Variants in FBXL17 observed in about 807,000 individuals in gnomAD.
FBXL17 encodes F-box and leucine rich repeat protein 17, also known as F-box/LRR-repeat protein 17.
A neutral mutation model predicts 66.2 loss-of-function variants in FBXL17; 22 were observed. That is an observed-to-expected ratio of 0.33 (90% CI 0.24 to 0.47). The LOEUF is 0.47. FBXL17 is among the 20% of genes least tolerant of loss of function. The pLI, the probability that FBXL17 is intolerant of heterozygous loss-of-function variation, is 1.00. For synonymous variants in FBXL17, 474 were observed against 400.5 expected (o/e 1.18, Z -2.19); for missense variants, 878 against 948.2 (o/e 0.93, Z 0.97).
intron 4 of FBXL17, among the ~76,000 whole-genome samples, chr5:108,306,679 G>A (rs1289152128): frequency 1.3e-5 from 2 of 151,956 alleles, no homozygotes; most frequent in Admixed American, 6.6e-5. Context: ...GGTTTGTCAA[G>A]TATTCTATCA....
At chr5:108,334,169 A>C (rs1366031639) in intron 4 of FBXL17, among the ~76,000 whole-genome samples, 1 of 152,172 alleles carries the variant, frequency 6.6e-6, no homozygotes. Flanking sequence ...ATAAATAAAC[A>C]CCTAAATTGC....
intron 7 of FBXL17, among the ~76,000 whole-genome samples, chr5:107,886,130 A>G (rs949781246): frequency 6.6e-6 from 1 of 152,212 alleles, no homozygotes; most frequent in Non-Finnish European, 1.5e-5. Flanking sequence ...AAGAACTGTA[A>G]GCAAACAAAT....
At chr5:107,879,246 G>C in intron 8 of FBXL17, 2 of 985,442 alleles carry the variant, frequency 2.0e-6, no homozygotes. Flanking sequence ...ATGTATGAAT[G>C]TGTACATTTT....
At chr5:108,375,114 G>A (rs1335790408) in intron 1 of FBXL17, among the ~76,000 whole-genome samples, 3 of 152,152 alleles carry the variant, frequency 2.0e-5, no homozygotes, top group East Asian at 1.9e-4. Flanking sequence ...AGCACTTTGG[G>A]AAGCCAAAGT....
intron 6 of FBXL17, among the ~76,000 whole-genome samples, chr5:108,183,116 C>T (rs935486796): frequency 6.9e-6 from 1 of 144,812 alleles, no homozygotes; most frequent in Non-Finnish European, 1.5e-5. Flanking sequence ...TCTTGGCTCA[C>T]TGCAACCTCT....
Position 107,881,018 on chromosome 5 carries a change from C to T in FBXL17, c.1965+19G>A. ...ATACTGATATGTAGAAAGCAAACAA[C>T]TTGATAGTCAACTCTTACTTTATCA... On this transcript the variant is annotated intron_variant, in intron 8 of 8. Coordinates refer to ENST00000542267, the MANE Select transcript of FBXL17 (RefSeq NM_001163315.3). The T allele has an allele frequency of 6.2e-7, 1 of 1,614,080 alleles. No individual in the cohort carries two copies. The highest frequency in any genetic ancestry group is 8.5e-7 in the Non-Finnish European group (1 of 1,179,986).
intron 6 of FBXL17, among the ~76,000 whole-genome samples, chr5:108,104,900 G>C (rs137950748): frequency 0.011 from 1,655 of 152,202 alleles, 40 homozygotes; most frequent in African/African-American, 0.038. Context: ...GGAGTGCAGT[G>C]GTGCCATCTC....
intron 6 of FBXL17, among the ~76,000 whole-genome samples, chr5:108,179,256 AAAG>A (rs1344511391): frequency 6.6e-6 from 1 of 152,190 alleles, no homozygotes; most frequent in Non-Finnish European, 1.5e-5. Flanking sequence ...CGGAAATTTG[AAAG>A]AAGAAACAGA....
intron 8 of FBXL17, among the ~76,000 whole-genome samples, chr5:107,873,455 G>C (rs1748519059): frequency 6.6e-6 from 1 of 152,168 alleles, no homozygotes; most frequent in South Asian, 2.1e-4. Flanking sequence ...GGAGGCAGGA[G>C]AGGCTTAGTT....
chr5:108,134,780 G>A (rs1223577355), intron 6 of FBXL17, among the ~76,000 whole-genome samples: 1 of 152,182 alleles, frequency 6.6e-6, no homozygotes, highest in Non-Finnish European at 1.5e-5. Flanking sequence ...CCAGGCTCCT[G>A]AATTCCCCAC....
intron 4 of FBXL17, 32 bp from the exon 5 acceptor site, chr5:108,224,260 G>A: frequency 7.6e-7 from 1 of 1,322,100 alleles, no homozygotes; most frequent in Non-Finnish European, 1.1e-6. Context: ...AATTATTCAA[G>A]GTAATAGTCC....
At chr5:108,082,730 T>G (rs999457363) in intron 6 of FBXL17, among the ~76,000 whole-genome samples, 3 of 152,186 alleles carry the variant, frequency 2.0e-5, no homozygotes, top group Non-Finnish European at 4.4e-5. Context: ...AATCAAAAAA[T>G]TATAACATTA....
At chr5:108,116,271 T>A (rs1215683657) in intron 6 of FBXL17, among the ~76,000 whole-genome samples, 1 of 151,994 alleles carries the variant, frequency 6.6e-6, no homozygotes, top group African/African-American at 2.4e-5. Flanking sequence ...GAGAATCAAG[T>A]TAGGTAGTTA....
chr5:107,965,333 CAA>C (rs1202226583), intron 7 of FBXL17, among the ~76,000 whole-genome samples: 4 of 152,110 alleles, frequency 2.6e-5, no homozygotes, highest in African/African-American at 7.2e-5. Context: ...AAAATAAAAA[CAA>C]AAGATGAAAA....
At chr5:108,328,600 T>C (rs1045937381) in intron 4 of FBXL17, among the ~76,000 whole-genome samples, 9 of 152,072 alleles carry the variant, frequency 5.9e-5, no homozygotes, top group African/African-American at 2.2e-4. Context: ...CATGTTGGTA[T>C]GTGTATTAAA....
intron 7 of FBXL17, among the ~76,000 whole-genome samples, chr5:107,952,735 T>C (rs944141704): frequency 1.3e-5 from 2 of 152,210 alleles, no homozygotes; most frequent in African/African-American, 4.8e-5. Flanking sequence ...ACGGCATAAA[T>C]GGCATGTTGA....
At chr5:108,376,140 G>C (rs986061111) in intron 1 of FBXL17, among the ~76,000 whole-genome samples, 4 of 152,176 alleles carry the variant, frequency 2.6e-5, no homozygotes, top group African/African-American at 9.7e-5. Context: ...ACCTGAGAAA[G>C]AGCATCTACC....
chr5:107,997,460 T>C (rs1235693452), intron 7 of FBXL17, among the ~76,000 whole-genome samples: 1 of 152,190 alleles, frequency 6.6e-6, no homozygotes, highest in Non-Finnish European at 1.5e-5. Flanking sequence ...CACATGGGTG[T>C]CCAAGACCCC....
chr5:108,044,400 AT>A (rs1392735540), intron 6 of FBXL17, among the ~76,000 whole-genome samples: 3 of 152,192 alleles, frequency 2.0e-5, no homozygotes, highest in African/African-American at 7.2e-5. Context: ...ATTAATGGAT[AT>A]TAAATTTTGT....
Sources: gnomAD v4.1 joint callset for allele counts (sites outside exome capture counted in the v4.1 genomes callset) on GRCh38, gnomAD v4.1.1 for gene constraint, MANE v1.5 for transcripts, NCBI Gene and HGNC (gene_info 2026-07-23, HGNC 2026-07-21) for gene names.